PPP3CB: variants seen among roughly 807,000 people sequenced by gnomAD.
The protein encoded by PPP3CB is protein phosphatase 3 catalytic subunit beta, also known as serine/threonine-protein phosphatase 2B catalytic subunit beta isoform.
In PPP3CB, 8 loss-of-function variants were observed where a neutral mutation model predicts 66.4. The ratio of observed to expected loss-of-function variants is 0.12; its 90% confidence interval spans 0.07 to 0.22. PPP3CB has a LOEUF of 0.22. Ranked by LOEUF, PPP3CB falls within the 10% of genes least tolerant of loss-of-function variation. PPP3CB has a pLI of 1.00. For synonymous variants in PPP3CB, 208 were observed against 221.2 expected (o/e 0.94, Z 0.53); for missense variants, 319 against 642.5 (o/e 0.50, Z 5.44).
At chr10:73,458,754 C>T (rs2056471647) in intron 9 of PPP3CB, among the ~76,000 whole-genome samples, 1 of 151,632 alleles carries the variant, frequency 6.6e-6, no homozygotes, top group Admixed American at 6.6e-5. Context: ...AGAATATATA[C>T]ACTGCTGATG....
In PPP3CB at chr10:73,470,676, CAAT is replaced by C; in HGVS notation, c.982+8_982+10del. The C allele has an allele frequency of 1.4e-6, 2 of 1,458,912 alleles. No individual in the cohort carries two copies. Among genetic ancestry groups the C allele is most frequent in the Non-Finnish European group, 1.9e-6 (2 of 1,075,158 alleles). 90.4% of individuals were successfully genotyped at this position (1,458,912 alleles called of 1,614,324 possible). On this transcript the variant is annotated splice_region_variant and intron_variant, in intron 8 of 13. Coordinates refer to ENST00000360663, the MANE Select transcript of PPP3CB (RefSeq NM_021132.4). ...GTTGTTTAACAATTTTTTTTATCAA[CAAT>C]ATCTTACCTTTATTATTGTAGACAT...
At chr10:73,486,007 G>C (rs11000676) in intron 1 of PPP3CB, among the ~76,000 whole-genome samples, 4 of 149,622 alleles carry the variant, frequency 2.7e-5, no homozygotes, top group African/African-American at 7.4e-5. Flanking sequence ...ATGCAGTGGC[G>C]CAACATGAGC....
At chr10:73,472,453 C>T (rs1315392689) in intron 4 of PPP3CB, among the ~76,000 whole-genome samples, 1 of 150,390 alleles carries the variant, frequency 6.6e-6, no homozygotes, top group African/African-American at 2.5e-5. Context: ...GAGATCGTGC[C>T]ACTTGCACTC....
At chr10:73,465,164 G>A (rs2056599112) in intron 9 of PPP3CB, among the ~76,000 whole-genome samples, 1 of 151,956 alleles carries the variant, frequency 6.6e-6, no homozygotes, top group Admixed American at 6.6e-5. Flanking sequence ...TTGGTATATA[G>A]GAAATTCATA....
intron 1 of PPP3CB, among the ~76,000 whole-genome samples, chr10:73,482,633 T>C (rs1379306238): frequency 6.6e-6 from 1 of 151,864 alleles, no homozygotes; most frequent in Non-Finnish European, 1.5e-5. Flanking sequence ...TTTATTTATT[T>C]TGAGACAGAG....
intron 9 of PPP3CB, among the ~76,000 whole-genome samples, chr10:73,463,091 G>GCACTATCTTCAC (rs771756047): frequency 1.1e-4 from 16 of 151,814 alleles, no homozygotes; most frequent in Non-Finnish European, 4.4e-5. Flanking sequence ...TGTGTTAATG[G>GCACTATCTTCAC]CACTATCTTC....
At chr10:73,448,004 T>C (rs78797017) in intron 10 of PPP3CB, among the ~76,000 whole-genome samples, 2 of 152,220 alleles carry the variant, frequency 1.3e-5, no homozygotes, top group East Asian at 1.9e-4. Context: ...CCTCATTTTA[T>C]AGACAAAGAA....
chr10:73,473,729 C>A (rs975788985), intron 4 of PPP3CB, among the ~76,000 whole-genome samples: 8 of 151,862 alleles, frequency 5.3e-5, no homozygotes, highest in Non-Finnish European at 1.2e-4. Flanking sequence ...TGTTCTGTAA[C>A]ATATGGTTAC....
chr10:73,441,927 G>T (rs1392027767), intron 12 of PPP3CB, among the ~76,000 whole-genome samples: 1 of 152,070 alleles, frequency 6.6e-6, no homozygotes, highest in Non-Finnish European at 1.5e-5. Flanking sequence ...AAATAGGCAC[G>T]AGGTCTTAGA....
intron 9 of PPP3CB, among the ~76,000 whole-genome samples, chr10:73,462,140 C>CTTTTTTT: frequency 1.1e-5 from 1 of 94,216 alleles, no homozygotes; most frequent in Non-Finnish European, 2.2e-5. Context: ...TAAACTCCTT[C>CTTTTTTT]TTTTTTTTTT....
intron 9 of PPP3CB, among the ~76,000 whole-genome samples, chr10:73,455,136 G>C (rs2056405227): frequency 6.6e-6 from 1 of 151,982 alleles, no homozygotes; most frequent in South Asian, 2.1e-4. Context: ...ACCCGCCTTG[G>C]CCTCCCAAAG....
intron 4 of PPP3CB, among the ~76,000 whole-genome samples, chr10:73,474,266 C>T (rs2056751374): frequency 6.6e-6 from 1 of 151,978 alleles, no homozygotes; most frequent in Non-Finnish European, 1.5e-5. Flanking sequence ...GTCTTGAACT[C>T]CTGACCTCAG....
At chr10:73,483,810 A>C (rs760755922) in intron 1 of PPP3CB, among the ~76,000 whole-genome samples, 6 of 152,134 alleles carry the variant, frequency 3.9e-5, no homozygotes, top group Non-Finnish European at 5.9e-5. Flanking sequence ...GGCCTAAAAT[A>C]AGTTGCTCAA....
At chr10:73,479,295 C>A (rs2056837405) in intron 2 of PPP3CB, 22 bp downstream of exon 2, 1 of 1,602,858 alleles carries the variant, frequency 6.2e-7, no homozygotes, top group African/African-American at 1.3e-5. Context: ...AAAAATAATA[C>A]CCAAAACATG....
At chr10:73,469,565 A>G (rs2056671884) in intron 8 of PPP3CB, among the ~76,000 whole-genome samples, 1 of 152,136 alleles carries the variant, frequency 6.6e-6, no homozygotes, top group Non-Finnish European at 1.5e-5. Context: ...TGGAATCAAA[A>G]CTTAGATATG....
chr10:73,452,355 A>G (rs764349256), intron 10 of PPP3CB, among the ~76,000 whole-genome samples: 25 of 152,150 alleles, frequency 1.6e-4, no homozygotes, highest in Non-Finnish European at 2.6e-4. Context: ...GCCCAGGTCT[A>G]TTCTTAAAAC....
At chr10:73,447,191 C>T (rs2056271369) in intron 10 of PPP3CB, among the ~76,000 whole-genome samples, 1 of 152,160 alleles carries the variant, frequency 6.6e-6, no homozygotes, top group African/African-American at 2.4e-5. Context: ...CCAGGTGCTC[C>T]TAAGGTCATG....
Position 73,439,857 on chromosome 10 carries a change from G to C in PPP3CB, c.1396+15C>G, listed in dbSNP as rs558620079. 1.4e-4 allele frequency: 233 copies of C among 1,612,340 alleles called. 1 individual carries two copies. In the South Asian group the frequency reaches 2.3e-3, roughly 16 times the overall value. ...CACCACAGATCTCTGCCCAGCACAAGGACTCTGATCATACCTTTTTCAGCC... is the reference window on the plus strand; with the variant it reads ...CACCACAGATCTCTGCCCAGCACAACGACTCTGATCATACCTTTTTCAGCC... On this transcript the variant is annotated intron_variant, in intron 13 of 13. Coordinates refer to ENST00000360663, the MANE Select transcript of PPP3CB (RefSeq NM_021132.4).
At chr10:73,461,949 T>C (rs551459140) in intron 9 of PPP3CB, among the ~76,000 whole-genome samples, 1 of 152,018 alleles carries the variant, frequency 6.6e-6, no homozygotes, top group South Asian at 2.1e-4. Flanking sequence ...TAAATTCTTG[T>C]GAAATTTGGC....
Sources: allele counts gnomAD v4.1 joint callset (sites outside exome capture counted in the v4.1 genomes callset), GRCh38; gene constraint gnomAD v4.1.1; transcripts MANE v1.5; gene names NCBI Gene and HGNC (gene_info 2026-07-23, HGNC 2026-07-21).